The following DHX35 variants were observed in gnomAD, a reference collection of about 807,000 sequenced individuals.
The protein encoded by DHX35 is DEAH-box helicase 35, also known as probable ATP-dependent RNA helicase DHX35.
In DHX35, 84 loss-of-function variants were observed where a neutral mutation model predicts 99.6. That is an observed-to-expected ratio of 0.84 (90% CI 0.71 to 1.01). DHX35 has a LOEUF of 1.01. Among genes scored for constraint, DHX35 ranks in the 50% least tolerant of loss-of-function variants. DHX35 has a pLI of 0.00. For missense variants in DHX35, 852 were observed against 888.5 expected, an observed-to-expected ratio of 0.96 and a Z score of 0.52; for synonymous variants, 331 against 316.2, an observed-to-expected ratio of 1.05 and a Z score of -0.50.
At position 38,976,451 on chromosome 20, in the gene DHX35, T is replaced by A. The variant is rs183328463; in HGVS notation, c.267+3800T>A. Among the ~76,000 whole-genome samples the A allele has an allele frequency of 2.8e-3, 417 of 150,434 alleles. 1 individual carries two copies. The highest frequency in any genetic ancestry group is 7.4e-3 in the African/African-American group (301 of 40,926). ...TTTTTTTTTACTTATTCTTTCATTT[T>A]AAAAAAAAACTGTTTTGAATTGACA... On this transcript the variant is annotated intron_variant, in intron 3 of 21. Coordinates refer to ENST00000252011, the MANE Select transcript of DHX35 (RefSeq NM_021931.4).
chr20:38,970,397 T>C (rs1324004274), intron 2 of DHX35, among the ~76,000 whole-genome samples: 1 of 152,244 alleles, frequency 6.6e-6, no homozygotes, highest in Non-Finnish European at 1.5e-5. Context: ...ACTGACTGTC[T>C]CTGGGTTTCT....
chr20:39,008,912 C>T (rs1244335447), intron 12 of DHX35, among the ~76,000 whole-genome samples: 1 of 152,164 alleles, frequency 6.6e-6, no homozygotes. Flanking sequence ...CTTCCCTGAG[C>T]CTCCATTTCT....
Position 39,030,468 on chromosome 20 carries a change from A to T in DHX35, c.1884-236A>T, listed in dbSNP as rs896287891. 2.3e-5 allele frequency: 12 copies of T among 514,850 alleles called. No individual in the cohort carries two copies. The South Asian group carries it at 2.9e-4, about 12-fold the overall frequency. 31.9% of individuals were successfully genotyped at this position (514,850 alleles called of 1,614,324 possible). A position where few individuals can be genotyped will look rare whatever the true frequency, so the allele number is the denominator to read the frequency against. Reference sequence around the variant, plus strand: ...CATTTTATTCCTAAATGTTTTTTCTAAGTGTCCGCGTGTTGCTTTTCTCCT... The same window carrying T: ...CATTTTATTCCTAAATGTTTTTTCTTAGTGTCCGCGTGTTGCTTTTCTCCT... On this transcript the variant is annotated intron_variant, in intron 19 of 21. Transcript: ENST00000252011.
At chr20:38,975,260 A>G (rs1375808313) in intron 3 of DHX35, among the ~76,000 whole-genome samples, 2 of 152,204 alleles carry the variant, frequency 1.3e-5, no homozygotes, top group Non-Finnish European at 2.9e-5. Context: ...CAGCAGAGGA[A>G]ATGGTGGCCT....
At chr20:38,987,827 C>T (rs2086273614) in intron 4 of DHX35, among the ~76,000 whole-genome samples, 1 of 152,182 alleles carries the variant, frequency 6.6e-6, no homozygotes, top group Non-Finnish European at 1.5e-5. Context: ...CTCATCCACT[C>T]ATCTGCCCCC....
In DHX35 at chr20:38,988,932, C is replaced by G. The variant is rs753585133; in HGVS notation, c.450+15C>G. 6.2e-7 allele frequency: 1 copy of G among 1,608,930 alleles called. No individual in the cohort carries two copies. The highest frequency in any genetic ancestry group is 8.5e-7 in the Non-Finnish European group (1 of 1,176,080). On this transcript the variant is annotated intron_variant, in intron 5 of 21. Coordinates refer to ENST00000252011, the MANE Select transcript of DHX35 (RefSeq NM_021931.4). The stretch of plus-strand genomic sequence containing the variant: ...CGAGAATTAAGGTAAAGTGCTCAAG[C>G]TGCTTTTCCTAGTGGAAATAAGGAA...
intron 11 of DHX35, among the ~76,000 whole-genome samples, chr20:39,004,360 C>T (rs1436380224): frequency 2.0e-5 from 3 of 152,200 alleles, no homozygotes; most frequent in South Asian, 2.1e-4. Flanking sequence ...CCACCGTGCC[C>T]GGCCTGTTGT....
chr20:39,004,042 C>T (rs2086570514), intron 11 of DHX35, 135 bp downstream of exon 11: 2 of 986,096 alleles, frequency 2.0e-6, no homozygotes, highest in Non-Finnish European at 3.0e-6. Flanking sequence ...TCTAAAAGCA[C>T]ACAATAAATA....
At chr20:38,998,759 T>G (rs1022887337) in intron 8 of DHX35, among the ~76,000 whole-genome samples, 29 of 152,250 alleles carry the variant, frequency 1.9e-4, no homozygotes, top group Non-Finnish European at 3.1e-4. Flanking sequence ...AAGATAAAGA[T>G]CTTAAAGGTC....
chr20:38,994,236 CTGAG>C (rs1361242232), intron 7 of DHX35, among the ~76,000 whole-genome samples: 2 of 152,058 alleles, frequency 1.3e-5, no homozygotes, highest in Non-Finnish European at 2.9e-5. Context: ...TTTGCCAACA[CTGAG>C]TATTAGCCTT....
chr20:39,023,875 C>T (rs1236524660), intron 17 of DHX35, 108 bp downstream of exon 17: 1 of 896,800 alleles, frequency 1.1e-6, no homozygotes, highest in Non-Finnish European at 1.7e-6. Context: ...TCCAAGAGAG[C>T]CCTTGATTTT....
At chr20:38,965,773 C>A (rs1370853710) in intron 1 of DHX35, among the ~76,000 whole-genome samples, 3 of 152,108 alleles carry the variant, frequency 2.0e-5, no homozygotes, top group African/African-American at 7.2e-5. Flanking sequence ...ACTTAAGGGC[C>A]TTGTATGACC....
At chr20:39,022,517 G>A (rs1228678336) in intron 16 of DHX35, among the ~76,000 whole-genome samples, 1 of 152,156 alleles carries the variant, frequency 6.6e-6, no homozygotes, top group Non-Finnish European at 1.5e-5. Flanking sequence ...CAGTTGCACA[G>A]CCAGAATTGT....
chr20:38,987,268 G>A (rs2086265035), intron 4 of DHX35, among the ~76,000 whole-genome samples: 1 of 152,032 alleles, frequency 6.6e-6, no homozygotes, highest in Non-Finnish European at 1.5e-5. Flanking sequence ...TTTTGACACA[G>A]TCTCTTTGTC....
At position 38,969,196 on chromosome 20, in the gene DHX35, G is replaced by C; in HGVS notation, c.156G>C (p.Gln52His). 1.9e-6 allele frequency: 3 copies of C among 1,608,394 alleles called. 1 individual carries two copies. The highest frequency in any genetic ancestry group is 8.5e-7 in the Non-Finnish European group (1 of 1,177,278). The change falls in exon 2 of 22, where the codon CAG (glutamine) becomes CAC (histidine). Residue 52 changes from glutamine to histidine, a missense_variant. Coordinates refer to ENST00000252011, the MANE Select transcript of DHX35 (RefSeq NM_021931.4). ...CCCTTTCCATAGAGCAGCAGAGGCA[G>C]AAGCTGCCGGTATTCAAGGTACGTC... ...YAALSIEQQR[Q>H]KLPVFKLRNH...
At position 38,995,524 on chromosome 20, in the gene DHX35, CAA is replaced by C. The variant is rs901064627; in HGVS notation, c.642+657_642+658del. Among the ~76,000 whole-genome samples, 7 of 130,186 alleles carry C rather than the reference CAA, an allele frequency of 5.4e-5. No individual in the cohort carries two copies. The East Asian group carries it at 6.6e-4, about 12-fold the overall frequency. 85.4% of individuals were successfully genotyped at this position (130,186 alleles called of 152,430 possible). A position where few individuals can be genotyped will look rare whatever the true frequency, so the allele number is the denominator to read the frequency against. On this transcript the variant is annotated intron_variant, in intron 8 of 21. Transcript: ENST00000252011. ...GGGCAACAAGAGCAAAACTTCATCT[CAA>C]AAAAAAAAAAAAGTTTCTCCTGTAT...
intron 21 of DHX35, among the ~76,000 whole-genome samples, chr20:39,035,633 G>T (rs2087138455): frequency 6.6e-6 from 1 of 152,206 alleles, no homozygotes; most frequent in Non-Finnish European, 1.5e-5. Context: ...CACTAGGCTT[G>T]CGTTCCTACG....
intron 4 of DHX35, among the ~76,000 whole-genome samples, chr20:38,984,350 T>C (rs2086219328): frequency 6.6e-6 from 1 of 152,178 alleles, no homozygotes; most frequent in Non-Finnish European, 1.5e-5. Flanking sequence ...CCATCCAACA[T>C]AAACAATGTG....
chr20:39,012,640 G>A (rs568215138), intron 13 of DHX35, among the ~76,000 whole-genome samples: 3 of 151,770 alleles, frequency 2.0e-5, no homozygotes, highest in African/African-American at 7.3e-5. Flanking sequence ...AGTGATTCTC[G>A]TATCTCAGCC....
Sources: allele counts gnomAD v4.1 joint callset (sites outside exome capture counted in the v4.1 genomes callset), GRCh38; gene constraint gnomAD v4.1.1; transcripts MANE v1.5; gene names NCBI Gene and HGNC (gene_info 2026-07-23, HGNC 2026-07-21).